TM6SF1: variants seen among roughly 807,000 people sequenced by gnomAD.
The protein encoded by TM6SF1 is transmembrane 6 superfamily member 1.
TM6SF1 carries 43 observed loss-of-function variants against 47.1 expected under a neutral mutation model. That is an observed-to-expected ratio of 0.91 (90% CI 0.72 to 1.18). TM6SF1 has a LOEUF of 1.18. TM6SF1 is among the 50% of genes most tolerant of loss of function. TM6SF1 has a pLI of 0.00. For synonymous variants in TM6SF1, 177 were observed against 166.3 expected (o/e 1.06, Z -0.49); for missense variants, 390 against 449.0 (o/e 0.87, Z 1.19).
At chr15:83,119,935 G>T in intron 4 of TM6SF1, 2 of 392,990 alleles carry the variant, frequency 5.1e-6, no homozygotes, top group South Asian at 5.8e-5. Flanking sequence ...TGTCTTACAA[G>T]AATAATTTTT....
chr15:83,124,917 G>A, intron 7 of TM6SF1, 141 bp downstream of exon 7: 1 of 709,064 alleles, frequency 1.4e-6, no homozygotes, highest in Non-Finnish European at 2.3e-6. Context: ...AAAGCCTGGA[G>A]CCCTGGACCT....
intron 9 of TM6SF1, 83 bp from the exon 10 acceptor site, chr15:83,136,398 C>A: frequency 8.0e-7 from 1 of 1,247,460 alleles, no homozygotes; most frequent in Non-Finnish European, 1.1e-6. Flanking sequence ...GAAACGTAGC[C>A]TGAATGAACC....
At chr15:83,136,141 T>C (rs926526127) in intron 9 of TM6SF1, 3 of 184,802 alleles carry the variant, frequency 1.6e-5, no homozygotes, top group Non-Finnish European at 2.2e-5. Flanking sequence ...AGAAAAAAAT[T>C]TGAGATTTTA....
intron 5 of TM6SF1, 109 bp downstream of exon 5, chr15:83,122,112 C>T: frequency 1.1e-6 from 1 of 899,236 alleles, no homozygotes; most frequent in South Asian, 1.6e-5. Flanking sequence ...TCCAAGCTTA[C>T]TAAAAACCTG....
At chr15:83,128,637 C>T (rs902189091) in intron 9 of TM6SF1, 1 of 152,154 alleles carries the variant, frequency 6.6e-6, no homozygotes, top group Admixed American at 6.5e-5. Flanking sequence ...ATTCCAAACT[C>T]AGTCTTTTTA....
chr15:83,109,682 G>A (rs1596462130), intron 1 of TM6SF1, among the ~76,000 whole-genome samples: 1 of 152,068 alleles, frequency 6.6e-6, no homozygotes, highest in East Asian at 1.9e-4. Context: ...CAAAGGCTCC[G>A]GTGCAAGTCT....
At chr15:83,136,401 A>T in intron 9 of TM6SF1, 80 bp from the exon 10 acceptor site, 1 of 1,279,144 alleles carries the variant, frequency 7.8e-7, no homozygotes, top group Admixed American at 2.7e-5. Context: ...ACGTAGCCTG[A>T]ATGAACCATT....
intron 9 of TM6SF1, chr15:83,131,744 G>T (rs1204433225): frequency 6.6e-6 from 1 of 152,180 alleles, no homozygotes; most frequent in Non-Finnish European, 1.5e-5. Flanking sequence ...AAGAGTAAAA[G>T]AAGATTGAAT....
chr15:83,131,942 T>G (rs2036283223), intron 9 of TM6SF1: 1 of 152,208 alleles, frequency 6.6e-6, no homozygotes. Context: ...TCTGCTAAAA[T>G]ATCAATGAAA....
chr15:83,137,247 A>G lies in TM6SF1; in HGVS notation c.*575A>G, dbSNP rs2036666815. ...TTTGTGTGAATTTAAACAGCTAAATAGGGATCAGTAACTTTATCTCTATCC... is the reference window on the plus strand; with the variant it reads ...TTTGTGTGAATTTAAACAGCTAAATGGGGATCAGTAACTTTATCTCTATCC... On this transcript the variant is annotated 3_prime_UTR_variant, in exon 10 of 10. Coordinates refer to ENST00000322019, the MANE Select transcript of TM6SF1 (RefSeq NM_023003.5). The G allele has an allele frequency of 6.6e-6, 1 of 152,212 alleles. No individual in the cohort carries two copies. Among genetic ancestry groups the G allele is most frequent in the Non-Finnish European group, 1.5e-5 (1 of 68,004 alleles). The allele number at this position is 152,212 out of a possible 1,614,324, so 9.4% of individuals were successfully genotyped here.
intron 1 of TM6SF1, among the ~76,000 whole-genome samples, chr15:83,108,862 C>T (rs892016476): frequency 6.6e-6 from 1 of 152,240 alleles, no homozygotes; most frequent in African/African-American, 2.4e-5. Context: ...CACCAGGCAC[C>T]AGCAGTGTCT....
intron 4 of TM6SF1, 179 bp downstream of exon 4, chr15:83,119,860 T>G: frequency 1.1e-6 from 1 of 890,064 alleles, no homozygotes; most frequent in Non-Finnish European, 1.6e-6. Flanking sequence ...TTTGAATATG[T>G]CCTTCTGAAT....
At chr15:83,112,957 C>T in intron 2 of TM6SF1, 57 bp downstream of exon 2, 4 of 1,378,788 alleles carry the variant, frequency 2.9e-6, no homozygotes, top group African/African-American at 1.4e-5. Context: ...ATACTTTCAG[C>T]CTCAGTCACA....
intron 1 of TM6SF1, chr15:83,111,733 GC>G: frequency 5.2e-6 from 5 of 966,996 alleles, no homozygotes; most frequent in Non-Finnish European, 6.1e-6. Flanking sequence ...AGAATTGGAA[GC>G]CCTGTCAGTG....
Position 83,122,816 on chromosome 15 carries a change from C to T in TM6SF1, c.541C>T (p.Pro181Ser). 6.2e-7 allele frequency: 1 copy of T among 1,614,000 alleles called. No individual in the cohort carries two copies. Among genetic ancestry groups the T allele is most frequent in the East Asian group, 2.2e-5 (1 of 44,872 alleles). ...FFLSIPYTCL[P>S]VWAGFRIYNQ... The stretch of plus-strand genomic sequence containing the variant: ...CTTAAGCATACCATATACTTGTCTT[C>T]CTGTCTGGGCTGGTTTCAGAATCTA... Residue 181 changes from proline (P) to serine (S), a missense_variant, in exon 6 of 10, where the codon CCT becomes TCT. Physicochemically the swap from Pro to Ser is moderately conservative, Grantham distance 74. Transcript: ENST00000322019.
At chr15:83,109,201 C>G (rs2033927540) in intron 1 of TM6SF1, among the ~76,000 whole-genome samples, 3 of 152,104 alleles carry the variant, frequency 2.0e-5, no homozygotes, top group Admixed American at 1.3e-4. Flanking sequence ...GGGAAGGCTT[C>G]TAGGAGGAGG....
intron 9 of TM6SF1, chr15:83,133,607 C>T (rs2036407421): frequency 6.6e-6 from 1 of 152,182 alleles, no homozygotes; most frequent in Non-Finnish European, 1.5e-5. Flanking sequence ...CTAGGATCAA[C>T]AACTCATATC....
chr15:83,116,487 C>T (rs1484333656), intron 3 of TM6SF1, among the ~76,000 whole-genome samples: 3 of 152,146 alleles, frequency 2.0e-5, no homozygotes, highest in Non-Finnish European at 4.4e-5. Context: ...TTCAAGGTGA[C>T]ACAGGAAATG....
intron 2 of TM6SF1, chr15:83,114,121 T>C (rs1463926708): frequency 6.5e-6 from 1 of 153,028 alleles, no homozygotes; most frequent in Non-Finnish European, 1.5e-5. Flanking sequence ...CTCTGACCCT[T>C]GCACACCTTT....
Sources: allele counts gnomAD v4.1 joint callset (sites outside exome capture counted in the v4.1 genomes callset), GRCh38; gene constraint gnomAD v4.1.1; transcripts MANE v1.5; gene names NCBI Gene and HGNC (gene_info 2026-07-23, HGNC 2026-07-21).